The following MICB variants were observed in gnomAD, a reference collection of about 807,000 sequenced individuals.
The protein encoded by MICB is MHC class I antigen-related protein B.
A neutral mutation model predicts 34.3 loss-of-function variants in MICB; 27 were observed. That is an observed-to-expected ratio of 0.79 (90% CI 0.58 to 1.08). The LOEUF (loss-of-function observed/expected upper bound fraction) is 1.08, where lower values mean the gene tolerates loss of function less well. MICB is among the 50% of genes least tolerant of loss of function. The pLI is 0.00. For missense variants in MICB, 426 were observed against 483.1 expected (o/e 0.88, Z 1.11); for synonymous variants, 153 against 187.4 (o/e 0.82, Z 1.50).
chr6:31,504,927 T>C lies in MICB; in HGVS notation c.71-690T>C, dbSNP rs111831869. Among the ~76,000 whole-genome samples, 763 of 152,296 alleles carry C rather than the reference T, an allele frequency of 5.0e-3. 9 individuals are homozygous for C. The highest frequency in any genetic ancestry group is 0.017 in the African/African-American group (696 of 41,532). On this transcript the variant is annotated intron_variant, in intron 1 of 5. Coordinates refer to ENST00000252229, the MANE Select transcript of MICB (RefSeq NM_005931.5). ...CCCCCAGCACTATTTGCTGAAAAGA[T>C]GGACTTACTCTTTGAGACCCTGTCA...
Position 31,507,668 on chromosome 6 carries a change from G to A in MICB, c.1024+137G>A. 9.8e-7 allele frequency: 1 copy of A among 1,025,418 alleles called. No individual in the cohort carries two copies. Among genetic ancestry groups the A allele is most frequent in the Non-Finnish European group, 1.4e-6 (1 of 711,382 alleles). The allele number at this position is 1,025,418 out of a possible 1,614,324, so 63.5% of individuals were successfully genotyped here. A position where few individuals can be genotyped will look rare whatever the true frequency, so the allele number is the denominator to read the frequency against. On this transcript the variant is annotated intron_variant, in intron 5 of 5. Transcript: ENST00000252229. This position sits in a 1 kb window ranked among gnomAD's most constrained non-coding sequence, Gnocchi z 6.0. Reference sequence around the variant, plus strand: ...GATGGAAGCTGGGGTATTTGGGAGGGGAATGGGAGCTGCATCTCCATCTAC... The same window carrying A: ...GATGGAAGCTGGGGTATTTGGGAGGAGAATGGGAGCTGCATCTCCATCTAC...
Position 31,509,918 on chromosome 6 carries a change from G to C in MICB, c.*9G>C, listed in dbSNP as rs1200061223. The C allele has an allele frequency of 2.5e-6, 4 of 1,588,082 alleles. No homozygotes were observed. The highest frequency in any genetic ancestry group is 3.4e-6 in the Non-Finnish European group (4 of 1,167,036). On this transcript the variant is annotated 3_prime_UTR_variant, in exon 6 of 6. Transcript: ENST00000252229. ...CCACTGAGGGCACCTAGACTCTACA[G>C]CCAGGCGGCCAGGATTCAACTCCCT...
Position 31,498,149 on chromosome 6 carries a change from A to T in MICB, c.-45A>T, listed in dbSNP as rs1403786584. On this transcript the variant is annotated 5_prime_UTR_variant, in exon 1 of 6. Coordinates refer to ENST00000252229, the MANE Select transcript of MICB (RefSeq NM_005931.5). ...CGGGGTCTTCTCACGGGTTTCATTCAGTTGGCCACTGCTGAGCAGCTGAGA... is the reference window on the plus strand; with the variant it reads ...CGGGGTCTTCTCACGGGTTTCATTCTGTTGGCCACTGCTGAGCAGCTGAGA... 2 of 1,508,582 alleles carry T rather than the reference A, an allele frequency of 1.3e-6. No individual in the cohort carries two copies. The highest frequency in any genetic ancestry group is 1.8e-6 in the Non-Finnish European group (2 of 1,109,100). The allele number at this position is 1,508,582 out of a possible 1,614,324, so 93.4% of individuals were successfully genotyped here.
intron 1 of MICB, among the ~76,000 whole-genome samples, chr6:31,498,877 C>T (rs1330106172): frequency 6.6e-6 from 1 of 152,172 alleles, no homozygotes; most frequent in Non-Finnish European, 1.5e-5. Context: ...TTCGGACAAA[C>T]CAGTCCTTCT....
chr6:31,495,417 A>C (rs1329090891), upstream of MICB, among the ~76,000 whole-genome samples: 1 of 152,140 alleles, frequency 6.6e-6, no homozygotes, highest in Non-Finnish European at 1.5e-5. Context: ...AACTATGCTT[A>C]TGATCTTTAG....
At chr6:31,505,520 C>A in intron 1 of MICB, 97 bp from the exon 2 acceptor site, 1 of 1,529,140 alleles carries the variant, frequency 6.5e-7, no homozygotes. Context: ...GCATTTCCTG[C>A]CTCCTCAGGG....
At chr6:31,496,012 G>A (rs562041486), upstream of MICB, among the ~76,000 whole-genome samples, 27 of 152,324 alleles carry the variant, frequency 1.8e-4, no homozygotes, top group African/African-American at 6.3e-4. Flanking sequence ...TCGGAATCAC[G>A]TAGGGAACTT....
chr6:31,500,837 A>C (rs1466045918), intron 1 of MICB, among the ~76,000 whole-genome samples: 1 of 152,222 alleles, frequency 6.6e-6, no homozygotes, highest in Non-Finnish European at 1.5e-5. Context: ...GTTGATGGAC[A>C]CTTAGGTCGC....
Position 31,498,154 on chromosome 6 carries a change from G to C in MICB, c.-40G>C. On this transcript the variant is annotated 5_prime_UTR_variant, in exon 1 of 6. Coordinates refer to ENST00000252229, the MANE Select transcript of MICB (RefSeq NM_005931.5). The stretch of plus-strand genomic sequence containing the variant: ...TCTTCTCACGGGTTTCATTCAGTTG[G>C]CCACTGCTGAGCAGCTGAGAAGGTG... 1 of 1,533,752 alleles carries C rather than the reference G, an allele frequency of 6.5e-7. No individual in the cohort carries two copies. The highest frequency in any genetic ancestry group is 8.9e-7 in the Non-Finnish European group (1 of 1,128,318).
chr6:31,509,655 G>A (rs1343825033), intron 5 of MICB, 127 bp from the exon 6 acceptor site: 50 of 1,193,382 alleles, frequency 4.2e-5, no homozygotes, highest in Non-Finnish European at 5.7e-5. Context: ...AGAAAAAAGT[G>A]GGGGCCTCAT....
At chr6:31,504,768 C>G (rs1340240482) in intron 1 of MICB, among the ~76,000 whole-genome samples, 1 of 152,060 alleles carries the variant, frequency 6.6e-6, no homozygotes, top group East Asian at 1.9e-4. Context: ...AACATTATAC[C>G]CAATGTTTTT....
chr6:31,506,378 C>G lies in MICB; in HGVS notation c.561C>G (p.Cys187Trp). ...KTHYRAMQAD[C>W]LQKLQRYLKS... is the part of the protein sequence containing the mutation. ...ACTATCGCGCTATGCAGGCAGACTGCCTGCAGAAACTACAGCGATATCTGA... is the reference window on the plus strand; with the variant it reads ...ACTATCGCGCTATGCAGGCAGACTGGCTGCAGAAACTACAGCGATATCTGA... The change falls in exon 3 of 6, where the codon TGC becomes TGG. Residue 187 changes from cysteine to tryptophan, a missense_variant. Cys to Trp is a radical substitution (Grantham distance 215, BLOSUM62 -2). Transcript: ENST00000252229. 6.2e-7 allele frequency: 1 copy of G among 1,614,164 alleles called. No homozygotes were observed. The highest frequency in any genetic ancestry group is 8.5e-7 in the Non-Finnish European group (1 of 1,180,030).
rs373019338 is a variant in MICB, at chr6:31,507,065, C to T, written c.657C>T (p.Gly219=). 8 of 1,613,846 alleles carry T rather than the reference C, an allele frequency of 5.0e-6. No homozygotes were observed. Among genetic ancestry groups the T allele is most frequent in the Non-Finnish European group, 6.8e-6 (8 of 1,179,858 alleles). Residue 219 remains glycine (G), a synonymous_variant, in exon 4 of 6, where the codon GGC becomes GGT. Transcript: ENST00000252229. The surrounding 1 kb of genome is among the most constrained non-coding windows in gnomAD (Gnocchi z 6.0). ...VNVTCSEVSE[G]NITVTCRASS... is the part of the protein sequence containing the mutation. ...TCACCTGCAGCGAGGTCTCAGAGGG[C>T]AACATCACCGTGACATGCAGGGCTT...
intron 3 of MICB, 113 bp downstream of exon 3, chr6:31,506,543 T>G: frequency 8.4e-7 from 1 of 1,190,338 alleles, no homozygotes. Flanking sequence ...GCGTTTCCTG[T>G]TGGCATATTG....
upstream of MICB, among the ~76,000 whole-genome samples, chr6:31,497,215 A>G (rs3130927): frequency 0.8 from 121,976 of 151,980 alleles, 49,241 homozygotes; most frequent in East Asian, 0.91. Context: ...GAGATGAAGG[A>G]GAAAGAGGAA....
At position 31,505,988 on chromosome 6, in the gene MICB, G is replaced by C; in HGVS notation, c.325+117G>C. ...GCTGGGGGTGGGGATGAGGAATAGG[G>C]TCAGGGAGGCTCAGCAGGGTGGTGA... On this transcript the variant is annotated intron_variant, in intron 2 of 5. Transcript: ENST00000252229. 2.7e-6 allele frequency: 4 copies of C among 1,482,072 alleles called. No individual in the cohort carries two copies. In the South Asian group the frequency reaches 5.5e-5, roughly 20 times the overall value. 91.8% of individuals were successfully genotyped at this position (1,482,072 alleles called of 1,614,324 possible). A position where few individuals can be genotyped will look rare whatever the true frequency, so the allele number is the denominator to read the frequency against.
upstream of MICB, chr6:31,495,104 G>A (rs1208364077): frequency 1.2e-4 from 18 of 152,324 alleles, no homozygotes; most frequent in African/African-American, 3.6e-4. Flanking sequence ...TGGTGGGGGA[G>A]GGGACCCAGG....
In MICB at chr6:31,506,019, A is replaced by C. The variant is rs978327616; in HGVS notation, c.326-124A>C. 5.3e-5 allele frequency: 79 copies of C among 1,479,398 alleles called. 1 individual carries two copies. The highest frequency in any genetic ancestry group is 5.3e-4 in the South Asian group (38 of 72,354). The allele number at this position is 1,479,398 out of a possible 1,614,324, so 91.6% of individuals were successfully genotyped here. On this transcript the variant is annotated intron_variant, in intron 2 of 5. Transcript: ENST00000252229. ...GAGGCTCAGCAGGGTGGTGAGCCGG[A>C]ACTCAGCCCACACAGGGAGGCATGG... is the stretch of plus-strand genomic sequence containing the variant.
intron 1 of MICB, among the ~76,000 whole-genome samples, chr6:31,504,322 C>T (rs1193785281): frequency 3.1e-5 from 4 of 128,360 alleles, no homozygotes; most frequent in Admixed American, 2.0e-4. Flanking sequence ...TGCAGTGGCA[C>T]GATCTCAGCT....
Sources: gnomAD v4.1 joint callset for allele counts (sites outside exome capture counted in the v4.1 genomes callset) on GRCh38, gnomAD v4.1.1 for gene constraint, Gnocchi (gnomAD v3.1) non-coding constraint, MANE v1.5 for transcripts, NCBI Gene and HGNC (gene_info 2026-07-23, HGNC 2026-07-21) for gene names.